MAP6: variants seen among roughly 807,000 people sequenced by gnomAD.
MAP6 encodes the protein microtubule associated protein 6, also known as microtubule-associated protein 6.
In MAP6, 26 loss-of-function variants were observed where a neutral mutation model predicts 42.4. The observed-to-expected ratio is 0.61, with a 90% CI of 0.45 to 0.85. The LOEUF is 0.85. Ranked by LOEUF, MAP6 falls within the 40% of genes least tolerant of loss-of-function variation. The pLI, the probability that MAP6 is intolerant of heterozygous loss-of-function variation, is 0.00. For synonymous variants in MAP6, 418 were observed against 443.8 expected, an observed-to-expected ratio of 0.94 and a Z score of 0.73; for missense variants, 966 against 1,099.0, an observed-to-expected ratio of 0.88 and a Z score of 1.71.
At chr11:75,637,281 T>C (rs752865758) in intron 1 of MAP6, among the ~76,000 whole-genome samples, 1 of 152,212 alleles carries the variant, frequency 6.6e-6, no homozygotes, top group Non-Finnish European at 1.5e-5. Flanking sequence ...TATGGAGCGG[T>C]TGAATTATTC....
intron 3 of MAP6, chr11:75,605,484 G>A (rs1942744773): frequency 8.9e-7 from 1 of 1,127,950 alleles, no homozygotes; most frequent in South Asian, 2.4e-5. Flanking sequence ...TCCAAGCACT[G>A]CCGGGAGATT....
chr11:75,665,047 T>A (rs1261252140), intron 1 of MAP6, among the ~76,000 whole-genome samples: 1 of 152,224 alleles, frequency 6.6e-6, no homozygotes, highest in Non-Finnish European at 1.5e-5. Flanking sequence ...GCCATAGGTA[T>A]AATTAAATTT....
intron 1 of MAP6, among the ~76,000 whole-genome samples, chr11:75,666,510 G>A (rs1245480885): frequency 6.6e-6 from 1 of 151,996 alleles, no homozygotes; most frequent in African/African-American, 2.4e-5. Context: ...GGAAAGGAGA[G>A]AGAAAGAAGA....
intron 1 of MAP6, among the ~76,000 whole-genome samples, chr11:75,650,104 T>C (rs1351557570): frequency 6.6e-6 from 1 of 152,158 alleles, no homozygotes; most frequent in African/African-American, 2.4e-5. Context: ...TGTTCCCCAC[T>C]CCAACGTGAG....
intron 1 of MAP6, among the ~76,000 whole-genome samples, chr11:75,666,631 C>T (rs1303798204): frequency 1.3e-5 from 2 of 152,190 alleles, no homozygotes; most frequent in Admixed American, 6.5e-5. Flanking sequence ...GTGCTAGGCA[C>T]GAGCTGTTCT....
At chr11:75,603,735 C>T in intron 3 of MAP6, 1 of 985,254 alleles carries the variant, frequency 1.0e-6, no homozygotes, top group Non-Finnish European at 1.2e-6. Context: ...TTTATACTGC[C>T]CACCACGCCT....
chr11:75,660,184 C>T (rs575891349), intron 1 of MAP6, among the ~76,000 whole-genome samples: 2 of 152,236 alleles, frequency 1.3e-5, no homozygotes, highest in South Asian at 4.1e-4. Flanking sequence ...ATGTGTATCC[C>T]CCATGGCTCC....
At chr11:75,612,297 G>A (rs1000542446) in intron 1 of MAP6, among the ~76,000 whole-genome samples, 1 of 152,178 alleles carries the variant, frequency 6.6e-6, no homozygotes, top group Non-Finnish European at 1.5e-5. Context: ...CAATAGCCAA[G>A]GGCATGGAAT....
intron 1 of MAP6, among the ~76,000 whole-genome samples, chr11:75,618,990 A>C (rs886259774): frequency 2.0e-5 from 3 of 148,182 alleles, no homozygotes; most frequent in African/African-American, 7.4e-5. Context: ...GCTGAGGGGG[A>C]GTGGGTGGGA....
chr11:75,627,091 G>C (rs989671992), intron 1 of MAP6, among the ~76,000 whole-genome samples: 13 of 152,204 alleles, frequency 8.5e-5, no homozygotes, highest in Non-Finnish European at 1.3e-4. Context: ...GTATAACCTA[G>C]GAAATGGCTG....
chr11:75,615,312 T>C (rs684102), intron 1 of MAP6, among the ~76,000 whole-genome samples: 4,061 of 152,298 alleles, frequency 0.027, 78 homozygotes, highest in Non-Finnish European at 0.044. Context: ...GGCCTACTCA[T>C]AGAATTGATG....
intron 1 of MAP6, among the ~76,000 whole-genome samples, chr11:75,634,603 TG>T (rs2135641158): frequency 6.6e-6 from 1 of 152,290 alleles, no homozygotes; most frequent in East Asian, 1.9e-4. Flanking sequence ...TCACCAAAGA[TG>T]GGAGACACAG....
chr11:75,644,304 G>A (rs1466184146), intron 1 of MAP6, among the ~76,000 whole-genome samples: 2 of 152,092 alleles, frequency 1.3e-5, no homozygotes, highest in African/African-American at 4.8e-5. Context: ...TACTGGGTAA[G>A]GTATTCAACC....
intron 1 of MAP6, among the ~76,000 whole-genome samples, chr11:75,640,654 A>T (rs552298377): frequency 2.6e-5 from 4 of 152,276 alleles, no homozygotes; most frequent in African/African-American, 9.6e-5. Flanking sequence ...ACAAACAACC[A>T]CATCAAAAAG....
chr11:75,601,978 A>T (rs189587504), intron 3 of MAP6, among the ~76,000 whole-genome samples: 1 of 151,858 alleles, frequency 6.6e-6, no homozygotes, highest in South Asian at 2.1e-4. Context: ...CCCCACTGTG[A>T]TCAGAGGCGG....
At chr11:75,598,190 C>T (rs1005994940) in intron 3 of MAP6, among the ~76,000 whole-genome samples, 2 of 152,072 alleles carry the variant, frequency 1.3e-5, no homozygotes, top group East Asian at 1.9e-4. Flanking sequence ...GAAGAGTGAT[C>T]GATATTTGTA....
At chr11:75,618,631 T>A (rs375682300) in intron 1 of MAP6, among the ~76,000 whole-genome samples, 2 of 151,572 alleles carry the variant, frequency 1.3e-5, no homozygotes, top group Admixed American at 1.3e-4. Flanking sequence ...TATCCCTGAG[T>A]GCAGGGGGAG....
In MAP6 at chr11:75,605,999, T is replaced by C; in HGVS notation, c.1125A>G (p.Glu375=). 1 of 1,613,610 alleles carries C rather than the reference T, an allele frequency of 6.2e-7. No individual in the cohort carries two copies. Among genetic ancestry groups the C allele is most frequent in the Non-Finnish European group, 8.5e-7 (1 of 1,180,010 alleles). The part of the protein sequence containing the change: ...SEPFKEPPKV[E]KPSVQSSKPK... ...GTTTGGAACTCTGAACACTAGGTTT[T>C]TCCACCTGTACGGAGAGACAGACCG... Residue 375 remains glutamate (E), a synonymous_variant, in exon 3 of 4, where the codon GAA becomes GAG. Coordinates refer to ENST00000304771, the MANE Select transcript of MAP6 (RefSeq NM_033063.2).
chr11:75,645,436 C>T (rs1444466357), intron 1 of MAP6, among the ~76,000 whole-genome samples: 1 of 152,010 alleles, frequency 6.6e-6, no homozygotes, highest in Non-Finnish European at 1.5e-5. Context: ...ATTTGCAGCA[C>T]CCACAGAGTA....
Sources: gnomAD v4.1 joint callset for allele counts (sites outside exome capture counted in the v4.1 genomes callset) on GRCh38, gnomAD v4.1.1 for gene constraint, MANE v1.5 for transcripts, NCBI Gene and HGNC (gene_info 2026-07-23, HGNC 2026-07-21) for gene names.